The following SH3RF3 variants were observed in gnomAD, a reference collection of about 807,000 sequenced individuals.
The protein encoded by SH3RF3 is SH3 domain containing ring finger 3, also known as E3 ubiquitin-protein ligase SH3RF3.
Under a neutral mutation model 66.3 loss-of-function variants are expected in SH3RF3, and 29 were observed. The ratio of observed to expected loss-of-function variants is 0.44; its 90% CI spans 0.33 to 0.60. The LOEUF (loss-of-function observed/expected upper bound fraction) is 0.60, where lower values mean the gene tolerates loss of function less well. Among genes scored for constraint, SH3RF3 ranks in the 20% least tolerant of loss-of-function variants. SH3RF3 has a pLI of 0.04. For missense variants in SH3RF3, 1,194 were observed against 1,190.9 expected (o/e 1.00, Z -0.04); for synonymous variants, 583 against 532.0 (o/e 1.10, Z -1.32).
intron 1 of SH3RF3, among the ~76,000 whole-genome samples, chr2:109,261,232 G>A (rs529920128): frequency 6.6e-6 from 1 of 152,232 alleles, no homozygotes; most frequent in Admixed American, 6.5e-5. Flanking sequence ...CGAGGGCCCT[G>A]GCTGATGGCT....
At chr2:109,267,621 G>T (rs997482750) in intron 1 of SH3RF3, among the ~76,000 whole-genome samples, 1 of 152,188 alleles carries the variant, frequency 6.6e-6, no homozygotes, top group Non-Finnish European at 1.5e-5. Context: ...CTGAGGGAGG[G>T]CCGGGAGCCA....
At chr2:109,145,870 T>C (rs1448723128) in intron 1 of SH3RF3, among the ~76,000 whole-genome samples, 1 of 152,070 alleles carries the variant, frequency 6.6e-6, no homozygotes, top group African/African-American at 2.4e-5. Flanking sequence ...GCCGCAGAGC[T>C]GGGGAGGCTG....
intron 4 of SH3RF3, among the ~76,000 whole-genome samples, chr2:109,404,288 G>A (rs768901613): frequency 1.3e-5 from 2 of 152,242 alleles, no homozygotes; most frequent in Non-Finnish European, 2.9e-5. Context: ...TGATGAGAAT[G>A]CTGAAAAGGA....
chr2:109,274,658 C>T (rs528117605), intron 1 of SH3RF3, among the ~76,000 whole-genome samples: 3 of 152,214 alleles, frequency 2.0e-5, no homozygotes, highest in East Asian at 1.9e-4. Context: ...AATTACTTCA[C>T]GGGGGTAGGG....
chr2:109,263,128 G>A (rs189150986), intron 1 of SH3RF3, among the ~76,000 whole-genome samples: 1 of 152,190 alleles, frequency 6.6e-6, no homozygotes, highest in African/African-American at 2.4e-5. Context: ...TTATAGGCGT[G>A]AGCCACCACG....
chr2:109,320,694 T>G (rs1168468499), intron 1 of SH3RF3, among the ~76,000 whole-genome samples: 1 of 152,208 alleles, frequency 6.6e-6, no homozygotes, highest in Non-Finnish European at 1.5e-5. Context: ...GGCATTCCTC[T>G]TCTGTAAAGA....
chr2:109,474,332 C>T (rs1678615917), intron 8 of SH3RF3, among the ~76,000 whole-genome samples: 1 of 152,168 alleles, frequency 6.6e-6, no homozygotes, highest in Non-Finnish European at 1.5e-5. Context: ...AGAGGAGAAA[C>T]CCCTGTGGGT....
chr2:109,462,188 A>T (rs932432423), intron 8 of SH3RF3, among the ~76,000 whole-genome samples: 2 of 149,810 alleles, frequency 1.3e-5, no homozygotes, highest in African/African-American at 4.9e-5. Context: ...GCCATCTCGT[A>T]TGACATCTTG....
intron 1 of SH3RF3, among the ~76,000 whole-genome samples, chr2:109,153,782 C>T (rs1055242918): frequency 4.6e-5 from 7 of 152,170 alleles, no homozygotes; most frequent in Admixed American, 3.9e-4. Context: ...TAACCACCCC[C>T]CGACCCCCGA....
At chr2:109,432,751 C>T in intron 6 of SH3RF3, 80 bp downstream of exon 6, 1 of 1,502,094 alleles carries the variant, frequency 6.7e-7, no homozygotes, top group Non-Finnish European at 8.9e-7. Flanking sequence ...CTGCTGGAGG[C>T]TACTCTGTCA....
chr2:109,267,645 C>T (rs1169996040), intron 1 of SH3RF3, among the ~76,000 whole-genome samples: 1 of 152,202 alleles, frequency 6.6e-6, no homozygotes, highest in African/African-American at 2.4e-5. Flanking sequence ...GAGCCACTCC[C>T]AGCTGCCACC....
chr2:109,176,652 G>A (rs1437235426), intron 1 of SH3RF3, among the ~76,000 whole-genome samples: 2 of 152,136 alleles, frequency 1.3e-5, no homozygotes, highest in African/African-American at 2.4e-5. Flanking sequence ...CAGGAGAATC[G>A]CTTGAACCTG....
intron 7 of SH3RF3, among the ~76,000 whole-genome samples, chr2:109,446,120 G>C (rs1412401341): frequency 6.6e-6 from 1 of 152,024 alleles, no homozygotes; most frequent in Non-Finnish European, 1.5e-5. Context: ...GGGGCACCCG[G>C]GGTGGGTGAA....
At chr2:109,268,146 C>G (rs1415894757) in intron 1 of SH3RF3, among the ~76,000 whole-genome samples, 1 of 151,952 alleles carries the variant, frequency 6.6e-6, no homozygotes, top group East Asian at 1.9e-4. Flanking sequence ...TTGGTCGTCA[C>G]TTTTGCTGAT....
At chr2:109,370,393 C>T (rs1242165045) in intron 2 of SH3RF3, among the ~76,000 whole-genome samples, 1 of 152,082 alleles carries the variant, frequency 6.6e-6, no homozygotes, top group Non-Finnish European at 1.5e-5. Context: ...GTGCCTGCCA[C>T]CATGCCCGGC....
chr2:109,346,528 T>C (rs1175937921), intron 1 of SH3RF3, among the ~76,000 whole-genome samples: 1 of 152,082 alleles, frequency 6.6e-6, no homozygotes, highest in East Asian at 1.9e-4. Context: ...TTGGTTTTCC[T>C]CTAGCACAGG....
intron 1 of SH3RF3, among the ~76,000 whole-genome samples, chr2:109,243,401 T>G (rs1035643327): frequency 6.6e-6 from 1 of 152,254 alleles, no homozygotes; most frequent in African/African-American, 2.4e-5. Flanking sequence ...GGAGTGCCTG[T>G]CCTTTCTTCT....
chr2:109,438,180 C>T (rs1677463742), intron 7 of SH3RF3, among the ~76,000 whole-genome samples: 1 of 152,212 alleles, frequency 6.6e-6, no homozygotes, highest in African/African-American at 2.4e-5. Flanking sequence ...ATATTTCCTT[C>T]CTTATCTTAG....
At chr2:109,428,021 C>T (rs1443512452) in intron 5 of SH3RF3, among the ~76,000 whole-genome samples, 1 of 152,232 alleles carries the variant, frequency 6.6e-6, no homozygotes, top group Admixed American at 6.5e-5. Flanking sequence ...AGGACTTACC[C>T]AGCCCTCCCC....
Sources: allele counts gnomAD v4.1 joint callset (sites outside exome capture counted in the v4.1 genomes callset), GRCh38; gene constraint gnomAD v4.1.1; transcripts MANE v1.5; gene names NCBI Gene and HGNC (gene_info 2026-07-23, HGNC 2026-07-21).